The following EGFL6 variants were observed in gnomAD, a reference collection of about 807,000 sequenced individuals.
The protein encoded by EGFL6 is epidermal growth factor-like protein 6.
Under a neutral mutation model 43.1 loss-of-function variants are expected in EGFL6, and 42 were observed. The observed-to-expected ratio is 0.98, with a 90% CI of 0.76 to 1.26. The LOEUF (loss-of-function observed/expected upper bound fraction) is 1.26, where lower values mean the gene tolerates loss of function less well. EGFL6 is among the 50% of genes most tolerant of loss of function. EGFL6 has a pLI of 0.00. For missense variants in EGFL6, 429 were observed against 427.8 expected (o/e 1.00, Z -0.02); for synonymous variants, 164 against 163.2 (o/e 1.01, Z -0.04).
chrX:13,596,947 T>G (rs2045600787), intron 3 of EGFL6, among the ~76,000 whole-genome samples: 1 of 112,218 alleles, frequency 8.9e-6, no homozygotes, highest in Non-Finnish European at 1.9e-5. Flanking sequence ...GCAAGGGATA[T>G]GGTCTTTGCT....
rs1349359970 is a variant in EGFL6 at position 13,627,140 on chromosome X, G to A, written c.1415G>A (p.Gly472Glu). 5.0e-6 allele frequency: 6 copies of A among 1,210,719 alleles called. No homozygotes were observed. The highest frequency in any genetic ancestry group is 6.7e-6 in the Non-Finnish European group (6 of 895,474). ...FCLLFDYRLA[G>E]DKVGKLRVFV... ...TTGCTCTTTGATTACCGGCTGGCCG[G>A]AGACAAAGTCGGGAAACTTCGAGTG... The change falls in exon 11 of 12, where the codon GGA becomes GAA. Residue 472 changes from glycine to glutamate, a missense_variant. Gly to Glu is a moderately conservative substitution (Grantham distance 98). Coordinates refer to ENST00000361306, the MANE Select transcript of EGFL6 (RefSeq NM_015507.4).
chrX:13,575,111 AAAAC>A (rs77669729), intron 1 of EGFL6: 5,294 of 110,256 alleles, frequency 0.048, 109 homozygotes, highest in African/African-American at 0.066. Flanking sequence ...AAGCTTATTT[AAAAC>A]AAACAAACAA....
chrX:13,618,461 C>T (rs1301777718), intron 8 of EGFL6, among the ~76,000 whole-genome samples: 2 of 112,801 alleles, frequency 1.8e-5, no homozygotes, highest in African/African-American at 3.2e-5. Flanking sequence ...GGCACTTTTA[C>T]AGGCCTAGTC....
intron 2 of EGFL6, chrX:13,590,223 T>C (rs1400358698): frequency 8.9e-6 from 1 of 112,943 alleles, no homozygotes; most frequent in Non-Finnish European, 1.9e-5. Flanking sequence ...CAAGGAACCA[T>C]AATTTGCCTT....
At chrX:13,588,949 G>C (rs1198950902) in intron 1 of EGFL6, among the ~76,000 whole-genome samples, 1 of 111,933 alleles carries the variant, frequency 8.9e-6, no homozygotes, top group Admixed American at 9.5e-5. Context: ...CTAAAATTAA[G>C]CAGTTTAGCA....
rs2045429805 is a variant in EGFL6, at chrX:13,569,830, G to T, written c.-32G>T. Reference sequence around the variant, plus strand: ...TCCGGCCGGCGCCCTCCCGAGGGGGGCTCAGGAGGAGGAAGGAGGACCCGT... The same window carrying T: ...TCCGGCCGGCGCCCTCCCGAGGGGGTCTCAGGAGGAGGAAGGAGGACCCGT... On this transcript the variant is annotated 5_prime_UTR_variant, in exon 1 of 12. Transcript: ENST00000361306. The T allele has an allele frequency of 8.3e-7, 1 of 1,199,112 alleles. No homozygotes were observed. Among genetic ancestry groups the T allele is most frequent in the South Asian group, 1.8e-5 (1 of 56,587 alleles).
In EGFL6 at chrX:13,594,937, G is replaced by C. The variant is rs1419945954; in HGVS notation, c.280+9G>C. ...GAAAACCTGCAGTCAAGGTCAGTAA[G>C]GTAGCCCAGGGTCATAGTTCAAATT... On this transcript the variant is annotated intron_variant, in intron 3 of 11. Coordinates refer to ENST00000361306, the MANE Select transcript of EGFL6 (RefSeq NM_015507.4). 1 of 1,166,601 alleles carries C rather than the reference G, an allele frequency of 8.6e-7. No homozygotes were observed. Among genetic ancestry groups the C allele is most frequent in the Non-Finnish European group, 1.2e-6 (1 of 856,813 alleles).
intron 1 of EGFL6, among the ~76,000 whole-genome samples, chrX:13,582,386 C>T (rs2045512085): frequency 9.0e-6 from 1 of 111,464 alleles, no homozygotes; most frequent in South Asian, 3.8e-4. Flanking sequence ...CAATTACTTC[C>T]ATTTTTTAAC....
intron 7 of EGFL6, among the ~76,000 whole-genome samples, chrX:13,610,237 T>C (rs2045682213): frequency 8.9e-6 from 1 of 112,302 alleles, no homozygotes; most frequent in African/African-American, 3.2e-5. Flanking sequence ...ATTGTGCCTG[T>C]AAATACTTTA....
In EGFL6 at chrX:13,600,780, G is replaced by T. The variant is rs141988431; in HGVS notation, c.400+686G>T. On this transcript the variant is annotated intron_variant, in intron 4 of 11. Coordinates refer to ENST00000361306, the MANE Select transcript of EGFL6 (RefSeq NM_015507.4). The stretch of plus-strand genomic sequence containing the variant: ...ACAAAAATTAGCTGGGCATGGTAGG[G>T]CACCTGTAATCTCAGAAAGAAAAAA... Among the ~76,000 whole-genome samples the T allele has an allele frequency of 3.9e-3, 410 of 105,373 alleles. 3 individuals carry two copies. Among genetic ancestry groups the T allele is most frequent in the African/African-American group, 0.014 (389 of 28,684 alleles). 91.5% of individuals were successfully genotyped at this position (105,373 alleles called of 115,157 possible).
intron 3 of EGFL6, 48 bp from the exon 4 acceptor site, chrX:13,599,927 G>T (rs1569205573): frequency 8.4e-7 from 1 of 1,194,698 alleles, no homozygotes; most frequent in East Asian, 3.0e-5. Flanking sequence ...CCATCTGGAA[G>T]TTTCCTGATT....
At chrX:13,595,665 T>C (rs2045593215) in intron 3 of EGFL6, among the ~76,000 whole-genome samples, 1 of 112,100 alleles carries the variant, frequency 8.9e-6, no homozygotes, top group Non-Finnish European at 1.9e-5. Context: ...AGGAAAAATA[T>C]TTAAAAGTGG....
chrX:13,594,563 G>T (rs2045586002), intron 2 of EGFL6, among the ~76,000 whole-genome samples: 1 of 111,922 alleles, frequency 8.9e-6, no homozygotes, highest in African/African-American at 3.2e-5. Context: ...TTTGCCCAGG[G>T]TTACTCTGGA....
intron 2 of EGFL6, among the ~76,000 whole-genome samples, chrX:13,591,303 C>T (rs2146966941): frequency 9.0e-6 from 1 of 111,678 alleles, no homozygotes; most frequent in Admixed American, 9.5e-5. Context: ...GCACGAACAT[C>T]AGCGTCTACT....
intron 7 of EGFL6, among the ~76,000 whole-genome samples, chrX:13,609,897 G>A (rs1190292339): frequency 8.9e-6 from 1 of 111,800 alleles, no homozygotes; most frequent in Non-Finnish European, 1.9e-5. Context: ...CAGAGTTCCC[G>A]CATGTTCAAT....
chrX:13,603,668 A>G (rs2045646169), intron 5 of EGFL6, among the ~76,000 whole-genome samples: 1 of 112,449 alleles, frequency 8.9e-6, no homozygotes, highest in Non-Finnish European at 1.9e-5. Flanking sequence ...GCCATAGTAG[A>G]AAAGGGATAA....
chrX:13,631,273 T>C (rs1423998210), intron 11 of EGFL6, among the ~76,000 whole-genome samples: 2 of 111,894 alleles, frequency 1.8e-5, no homozygotes, highest in Admixed American at 9.5e-5. Flanking sequence ...ATTTCGGATA[T>C]TGAAGATTGT....
At chrX:13,576,998 T>A (rs755993106) in intron 1 of EGFL6, among the ~76,000 whole-genome samples, 1 of 110,791 alleles carries the variant, frequency 9.0e-6, no homozygotes, top group Non-Finnish European at 1.9e-5. Context: ...GAAAAAAAAA[T>A]ATAAAAAGTG....
rs139579823 is a variant in EGFL6, at chrX:13,625,643, T to C, written c.1286-1368T>C. Among the ~76,000 whole-genome samples, 12 of 109,572 alleles carry C rather than the reference T, an allele frequency of 1.1e-4. No homozygotes were observed. In the East Asian group the frequency reaches 3.5e-3, roughly 32 times the overall value. ...AGGTTGCAGTGAGCTGAGATCGCAC[T>C]ATTGCACTCCAGCCTGGGCGACAGA... On this transcript the variant is annotated intron_variant, in intron 10 of 11. Transcript: ENST00000361306.
Sources: gnomAD v4.1 joint callset for allele counts (sites outside exome capture counted in the v4.1 genomes callset) on GRCh38, gnomAD v4.1.1 for gene constraint, MANE v1.5 for transcripts, NCBI Gene and HGNC (gene_info 2026-07-23, HGNC 2026-07-21) for gene names.